The following CAMKMT variants were observed in gnomAD, a reference collection of about 807,000 sequenced individuals.
CAMKMT encodes calmodulin-lysine N-methyltransferase, also known as CaM KMT.
In CAMKMT, 53 loss-of-function variants were observed where a neutral mutation model predicts 48.0. That is an observed-to-expected ratio of 1.10 (90% CI 0.89 to 1.39). CAMKMT has a LOEUF of 1.39. Ranked by LOEUF, CAMKMT falls within the 40% of genes most tolerant of loss-of-function variation. The probability of loss-of-function intolerance (pLI) is 0.00; values close to 1 mark genes in which losing one functional copy is unlikely to be tolerated. For synonymous variants in CAMKMT, 165 were observed against 152.3 expected, an observed-to-expected ratio of 1.08 and a Z score of -0.61; for missense variants, 428 against 402.7, an observed-to-expected ratio of 1.06 and a Z score of -0.54.
intron 3 of CAMKMT, among the ~76,000 whole-genome samples, chr2:44,575,330 C>T (rs561952731): frequency 5.3e-5 from 8 of 150,868 alleles, no homozygotes; most frequent in Admixed American, 4.0e-4. Context: ...CCTCCCACCT[C>T]GGTATCCCAA....
Position 44,771,401 on chromosome 2 carries a change from C to G in CAMKMT, c.895-635C>G, listed in dbSNP as rs368229232. ...AAAAGTGTACTTCATATGTGAGAAACCTAACTGGATTTTAAAATCTTATCA... is the reference window on the plus strand; with the variant it reads ...AAAAGTGTACTTCATATGTGAGAAAGCTAACTGGATTTTAAAATCTTATCA... On this transcript the variant is annotated intron_variant, in intron 10 of 10. Coordinates refer to ENST00000378494, the MANE Select transcript of CAMKMT (RefSeq NM_024766.5). Among the ~76,000 whole-genome samples, 4 of 152,184 alleles carry G rather than the reference C, an allele frequency of 2.6e-5. No individual in the cohort carries two copies. In the East Asian group the frequency reaches 7.7e-4, roughly 29 times the overall value.
chr2:44,471,938 C>A (rs1668441771), intron 3 of CAMKMT, among the ~76,000 whole-genome samples: 1 of 151,978 alleles, frequency 6.6e-6, no homozygotes, highest in Admixed American at 6.5e-5. Context: ...GCCTGGGGCT[C>A]CCAAAGTGCT....
chr2:44,664,225 A>C (rs1361763009), intron 3 of CAMKMT, among the ~76,000 whole-genome samples: 1 of 152,266 alleles, frequency 6.6e-6, no homozygotes, highest in Non-Finnish European at 1.5e-5. Context: ...TGGATAAAAT[A>C]TGTAGCCTCT....
At chr2:44,631,419 A>G (rs1024813729) in intron 3 of CAMKMT, 43 of 550,474 alleles carry the variant, frequency 7.8e-5, no homozygotes, top group Non-Finnish European at 1.3e-4. Context: ...TAATAATAAT[A>G]AAAAAGAAAG....
intron 3 of CAMKMT, among the ~76,000 whole-genome samples, chr2:44,628,480 C>A (rs1672620904): frequency 6.6e-6 from 1 of 151,036 alleles, no homozygotes; most frequent in African/African-American, 2.4e-5. Flanking sequence ...TTATTTGGGG[C>A]TTAACGTAAA....
At chr2:44,390,716 C>T (rs1220952982) in intron 3 of CAMKMT, among the ~76,000 whole-genome samples, 1 of 152,064 alleles carries the variant, frequency 6.6e-6, no homozygotes, top group Non-Finnish European at 1.5e-5. Context: ...TGCTTCTTTA[C>T]TTTCACTGTA....
At chr2:44,484,358 G>A (rs1000891343) in intron 3 of CAMKMT, among the ~76,000 whole-genome samples, 1 of 152,082 alleles carries the variant, frequency 6.6e-6, no homozygotes, top group Non-Finnish European at 1.5e-5. Flanking sequence ...TTAAGATAGC[G>A]TGGTATTGGT....
chr2:44,761,311 T>C lies in CAMKMT; in HGVS notation c.763-5119T>C, dbSNP rs575789075. ...TACATAAAAGAACAGATGGGGGATG[T>C]GATGAGGTTGGCCTGACTAGAGCCC... On this transcript the variant is annotated intron_variant, in intron 9 of 10. Transcript: ENST00000378494. Among the ~76,000 whole-genome samples, 3 of 152,084 alleles carry C rather than the reference T, an allele frequency of 2.0e-5. No individual in the cohort carries two copies. The East Asian group carries it at 5.8e-4, about 29-fold the overall frequency.
chr2:44,549,845 C>T lies in CAMKMT; in HGVS notation c.377-154438C>T, dbSNP rs76772266. Reference sequence around the variant, plus strand: ...TGTGGCCATACATTTTTGTCCCAGACCCAGCTTCATTGTGTTAAAAGTCTT... The same window carrying T: ...TGTGGCCATACATTTTTGTCCCAGATCCAGCTTCATTGTGTTAAAAGTCTT... On this transcript the variant is annotated intron_variant, in intron 3 of 10. Coordinates refer to ENST00000378494, the MANE Select transcript of CAMKMT (RefSeq NM_024766.5). 1.5e-3 allele frequency: 589 copies of T among 389,030 alleles called. 2 individuals carry two copies. The highest frequency in any genetic ancestry group is 9.7e-3 in the African/African-American group (467 of 48,244). The allele number at this position is 389,030 out of a possible 1,614,324, so 24.1% of individuals were successfully genotyped here. A position where few individuals can be genotyped will look rare whatever the true frequency, so the allele number is the denominator to read the frequency against.
rs2104298867 is a variant in CAMKMT, at chr2:44,714,023, G to A, written c.557-1264G>A. ...TAAACCTGCCTTATTCCAAAAGAGG[G>A]ATTTTGAGGCTTCTTACCATGACAC... On this transcript the variant is annotated intron_variant, in intron 6 of 10. Coordinates refer to ENST00000378494, the MANE Select transcript of CAMKMT (RefSeq NM_024766.5). Among the ~76,000 whole-genome samples, 2 of 152,222 alleles carry A rather than the reference G, an allele frequency of 1.3e-5. 1 individual carries two copies. Among genetic ancestry groups the A allele is most frequent in the Admixed American group, 1.3e-4 (2 of 15,278 alleles).
chr2:44,477,550 T>C (rs1291183169), intron 3 of CAMKMT, among the ~76,000 whole-genome samples: 3 of 152,178 alleles, frequency 2.0e-5, no homozygotes, highest in Non-Finnish European at 2.9e-5. Context: ...TGGAAAAAAT[T>C]ATAAATCTCA....
intron 3 of CAMKMT, among the ~76,000 whole-genome samples, chr2:44,436,025 G>A (rs1482548489): frequency 1.3e-5 from 2 of 151,948 alleles, no homozygotes; most frequent in African/African-American, 4.8e-5. Flanking sequence ...GATACCCAAG[G>A]TCATTATAGA....
Position 44,518,610 on chromosome 2 carries a change from C to T in CAMKMT, c.376+128305C>T, listed in dbSNP as rs72879371. Among the ~76,000 whole-genome samples, 682 of 152,288 alleles carry T rather than the reference C, an allele frequency of 4.5e-3. 4 individuals carry two copies. Among genetic ancestry groups the T allele is most frequent in the African/African-American group, 0.016 (655 of 41,558 alleles). Reference sequence around the variant, plus strand: ...CCTAAATACCTACCTTAAGCTGCTTCCCTTTGCAGAGTTTTTTAAAAACCG... The same window carrying T: ...CCTAAATACCTACCTTAAGCTGCTTTCCTTTGCAGAGTTTTTTAAAAACCG... On this transcript the variant is annotated intron_variant, in intron 3 of 10. Transcript: ENST00000378494.
In CAMKMT at chr2:44,408,979, C is replaced by T. The variant is rs532816792; in HGVS notation, c.376+18674C>T. Among the ~76,000 whole-genome samples the T allele has an allele frequency of 1.7e-4, 26 of 151,142 alleles. No individual in the cohort carries two copies. In the South Asian group the frequency reaches 1.9e-3, roughly 11 times the overall value. On this transcript the variant is annotated intron_variant, in intron 3 of 10. Transcript: ENST00000378494. ...CTGGTCTTGAACTCCTGAGCTCAAG[C>T]GATTTGCCTGCCTCGGCCTCCCAAA...
chr2:44,608,981 A>G (rs1671451662), intron 3 of CAMKMT, among the ~76,000 whole-genome samples: 1 of 152,222 alleles, frequency 6.6e-6, no homozygotes, highest in African/African-American at 2.4e-5. Flanking sequence ...TTAAATCTCT[A>G]TTCAAGTCCA....
chr2:44,434,780 A>G (rs548652722), intron 3 of CAMKMT, among the ~76,000 whole-genome samples: 1 of 152,316 alleles, frequency 6.6e-6, no homozygotes, highest in East Asian at 1.9e-4. Flanking sequence ...CTCTCCTCCC[A>G]TTTTTAGATA....
At chr2:44,587,546 C>T (rs1182087829) in intron 3 of CAMKMT, among the ~76,000 whole-genome samples, 2 of 143,272 alleles carry the variant, frequency 1.4e-5, no homozygotes, top group Non-Finnish European at 3.1e-5. Flanking sequence ...GACGGTACTG[C>T]TGCCATCTCG....
At position 44,420,342 on chromosome 2, in the gene CAMKMT, C is replaced by G. The variant is rs187100820; in HGVS notation, c.376+30037C>G. On this transcript the variant is annotated intron_variant, in intron 3 of 10. Transcript: ENST00000378494. The stretch of plus-strand genomic sequence containing the variant: ...ATCTTTCTTTAATCTTAGAATCCAA[C>G]CAATACTTTTCTCTACATTGCTAGA... Among the ~76,000 whole-genome samples the G allele has an allele frequency of 3.6e-3, 553 of 152,120 alleles. 3 individuals are homozygous for G. Among genetic ancestry groups the G allele is most frequent in the African/African-American group, 0.013 (534 of 41,506 alleles).
intron 3 of CAMKMT, among the ~76,000 whole-genome samples, chr2:44,592,100 T>C (rs1463725537): frequency 1.3e-5 from 2 of 151,848 alleles, no homozygotes; most frequent in African/African-American, 4.8e-5. Flanking sequence ...CATTAGGAGA[T>C]ACACCTAATG....
Sources: allele counts gnomAD v4.1 joint callset (sites outside exome capture counted in the v4.1 genomes callset), GRCh38; gene constraint gnomAD v4.1.1; transcripts MANE v1.5; gene names NCBI Gene and HGNC (gene_info 2026-07-23, HGNC 2026-07-21).